RPS6KA1: variants seen among roughly 807,000 people sequenced by gnomAD.
RPS6KA1 encodes the protein ribosomal protein S6 kinase A1, also known as ribosomal protein S6 kinase alpha-1.
RPS6KA1 carries 48 observed loss-of-function variants against 91.3 expected under a neutral mutation model. The ratio of observed to expected loss-of-function variants is 0.53; its 90% CI spans 0.42 to 0.67. RPS6KA1 has a LOEUF of 0.67. Among genes scored for constraint, RPS6KA1 ranks in the 30% least tolerant of loss-of-function variants. RPS6KA1 has a pLI of 0.00. For missense variants in RPS6KA1, 719 were observed against 960.5 expected, an observed-to-expected ratio of 0.75 and a Z score of 3.32; for synonymous variants, 359 against 384.7, an observed-to-expected ratio of 0.93 and a Z score of 0.78.
At chr1:26,533,885 G>T (rs551313814) in intron 1 of RPS6KA1, among the ~76,000 whole-genome samples, 7 of 152,230 alleles carry the variant, frequency 4.6e-5, no homozygotes, top group African/African-American at 1.7e-4. Context: ...CCCAGGCTCT[G>T]AGTGGGAAGC....
rs767179473 is a variant in RPS6KA1, at chr1:26,529,952, C to T, written c.32C>T (p.Pro11Leu). The T allele has an allele frequency of 2.8e-6, 4 of 1,433,684 alleles. No individual in the cohort carries two copies. The highest frequency in any genetic ancestry group is 3.2e-5 in the East Asian group (1 of 31,076). The allele number at this position is 1,433,684 out of a possible 1,614,324, so 88.8% of individuals were successfully genotyped here. The change falls in exon 1 of 22, where the codon CCG becomes CTG. Residue 11 changes from proline (P) to leucine (L), a missense_variant. Around this residue, in one of 5 missense-constraint regions of RPS6KA1, gnomAD observed 57 missense variants for 55.8 expected, o/e 1.02. Transcript: ENST00000374168. The surrounding 1 kb of genome is among the most constrained non-coding windows in gnomAD (Gnocchi z 4.2). ...CTCGCCCAGCTCAAGGAGCCCTGGC[C>T]GCTCATGGAGCTAGTGCCTCTGGAC... MPLAQLKEPW[P>L]LMELVPLDPE... is the part of the protein sequence containing the mutation.
chr1:26,534,925 G>A (rs2075895686), intron 1 of RPS6KA1, among the ~76,000 whole-genome samples: 1 of 152,172 alleles, frequency 6.6e-6, no homozygotes, highest in African/African-American at 2.4e-5. Flanking sequence ...TTGGGGCCTG[G>A]TACATAGAAG....
At chr1:26,530,004 A>G in intron 1 of RPS6KA1, 21 bp downstream of exon 1, 1 of 1,328,640 alleles carries the variant, frequency 7.5e-7, no homozygotes, top group South Asian at 1.8e-5. Context: ...GGGGCGGGGG[A>G]CGGGCGCCCG....
intron 2 of RPS6KA1, among the ~76,000 whole-genome samples, chr1:26,539,431 G>A (rs1002488): frequency 0.28 from 42,930 of 152,112 alleles, 6,910 homozygotes; most frequent in East Asian, 0.77. Flanking sequence ...AGGGAAGAGA[G>A]TCAGGGATTC....
rs868008122 is a variant in RPS6KA1 at position 26,529,793 on chromosome 1, G to C, written c.-128G>C. ...TAGTGCCGCGGCGGCGGCGGCGGACGGCCCAGCCGGAGCGCGAGGGGCTCG... is the reference window on the plus strand; with the variant it reads ...TAGTGCCGCGGCGGCGGCGGCGGACCGCCCAGCCGGAGCGCGAGGGGCTCG... On this transcript the variant is annotated 5_prime_UTR_variant, in exon 1 of 22. Transcript: ENST00000374168. The surrounding 1 kb of genome is among the most constrained non-coding windows in gnomAD (Gnocchi z 4.2). 3 of 586,238 alleles carry C rather than the reference G, an allele frequency of 5.1e-6. No individual in the cohort carries two copies. The highest frequency in any genetic ancestry group is 7.1e-6 in the Non-Finnish European group (3 of 425,262). 36.3% of individuals were successfully genotyped at this position (586,238 alleles called of 1,614,324 possible). A position where few individuals can be genotyped will look rare whatever the true frequency, so the allele number is the denominator to read the frequency against.
In RPS6KA1 at chr1:26,571,606, CTGAGG is replaced by C; in HGVS notation, c.1752+1_1752+5del. The C allele has an allele frequency of 6.2e-7, 1 of 1,614,052 alleles. No individual in the cohort carries two copies. The highest frequency in any genetic ancestry group is 8.5e-7 in the Non-Finnish European group (1 of 1,179,982). ...TGCTACACAGCCAACTTTGTGGCGC[CTGAGG>C]TGAGTGGCCCAGCCTCCTCAGCTGT... On this transcript the variant is annotated splice_donor_variant and coding_sequence_variant, in exon 18 of 22. Transcript: ENST00000374168. LOFTEE classifies it high-confidence loss of function. This position sits in a 1 kb window ranked among gnomAD's most constrained non-coding sequence, Gnocchi z 5.1.
intron 2 of RPS6KA1, chr1:26,543,051 G>A (rs2075960862): frequency 1.7e-6 from 2 of 1,167,708 alleles, no homozygotes; most frequent in Non-Finnish European, 2.4e-6. Context: ...CTGCAGAGGG[G>A]GAAGTGAGAA....
In RPS6KA1 at chr1:26,561,888, C is replaced by G. The variant is rs1341092936; in HGVS notation, c.1590+225C>G. On this transcript the variant is annotated intron_variant, in intron 17 of 21. Transcript: ENST00000374168. This position sits in a 1 kb window ranked among gnomAD's most constrained non-coding sequence, Gnocchi z 5.7. The stretch of plus-strand genomic sequence containing the variant: ...TCAGTATCTACTGTGTGCCAGGCAC[C>G]ATGGTAAGGTTTAGCATAAGATGAA... 6.6e-6 allele frequency among the ~76,000 whole-genome samples: 1 copy of G among 152,030 alleles called. No homozygotes were observed. The highest frequency in any genetic ancestry group is 1.5e-5 in the Non-Finnish European group (1 of 68,004).
At chr1:26,537,757 C>T (rs1286242836) in intron 2 of RPS6KA1, among the ~76,000 whole-genome samples, 3 of 152,206 alleles carry the variant, frequency 2.0e-5, no homozygotes, top group Non-Finnish European at 2.9e-5. Context: ...AGAGCAAATC[C>T]GGGTTCCAGT....
At chr1:26,530,160 G>C (rs753350930) in intron 1 of RPS6KA1, among the ~76,000 whole-genome samples, 177 bp downstream of exon 1, 1 of 152,178 alleles carries the variant, frequency 6.6e-6, no homozygotes, top group African/African-American at 2.4e-5. Context: ...GCGTGTGCGA[G>C]GGACAGTTCC....
At chr1:26,570,934 C>T (rs2076243603) in intron 17 of RPS6KA1, among the ~76,000 whole-genome samples, 1 of 152,168 alleles carries the variant, frequency 6.6e-6, no homozygotes, top group Non-Finnish European at 1.5e-5. Flanking sequence ...ACCAGCCTGA[C>T]CAACATGGTG....
chr1:26,529,830 C>A lies in RPS6KA1; in HGVS notation c.-91C>A. On this transcript the variant is annotated 5_prime_UTR_variant, in exon 1 of 22. Coordinates refer to ENST00000374168, the MANE Select transcript of RPS6KA1 (RefSeq NM_002953.4). The surrounding 1 kb of genome is among the most constrained non-coding windows in gnomAD (Gnocchi z 4.2). ...GCGCGAGGGGCTCGGGGGGGCGCGG[C>A]GGTTCGGGTCGCAGAGCCAGGGACC... is the stretch of plus-strand genomic sequence containing the variant. 1 of 980,098 alleles carries A rather than the reference C, an allele frequency of 1.0e-6. No individual in the cohort carries two copies. The highest frequency in any genetic ancestry group is 1.3e-6 in the Non-Finnish European group (1 of 762,938). 60.7% of individuals were successfully genotyped at this position (980,098 alleles called of 1,614,324 possible).
Position 26,571,797 on chromosome 1 carries a change from G to T in RPS6KA1, c.1753-52G>T. On this transcript the variant is annotated intron_variant, in intron 18 of 21. Transcript: ENST00000374168. This position sits in a 1 kb window ranked among gnomAD's most constrained non-coding sequence, Gnocchi z 5.1. ...AGGGGAGTAGCAGGAAACATCTGTG[G>T]CGACTTTCTACTGCCCCCCCAGACT... 1 of 1,565,166 alleles carries T rather than the reference G, an allele frequency of 6.4e-7. No homozygotes were observed. The highest frequency in any genetic ancestry group is 8.7e-7 in the Non-Finnish European group (1 of 1,151,392).
At chr1:26,552,467 CT>C (rs1200548875) in intron 6 of RPS6KA1, among the ~76,000 whole-genome samples, 218 of 122,120 alleles carry the variant, frequency 1.8e-3, no homozygotes, top group Non-Finnish European at 2.2e-3. Context: ...GAGAATCTAG[CT>C]TTTTTTTTTT....
chr1:26,529,932 C>G lies in RPS6KA1; in HGVS notation c.12C>G (p.Ala4=). The change falls in exon 1 of 22, where the codon GCC becomes GCG. Residue 4 remains alanine, a synonymous_variant. Coordinates refer to ENST00000374168, the MANE Select transcript of RPS6KA1 (RefSeq NM_002953.4). The surrounding 1 kb of genome is among the most constrained non-coding windows in gnomAD (Gnocchi z 4.2). ...CTGGCGGCGGCGAGATGCCGCTCGC[C>G]CAGCTCAAGGAGCCCTGGCCGCTCA... The part of the protein sequence containing the change: MPL[A]QLKEPWPLME... The G allele has an allele frequency of 7.0e-7, 1 of 1,433,010 alleles. No individual in the cohort carries two copies. Among genetic ancestry groups the G allele is most frequent in the Non-Finnish European group, 9.1e-7 (1 of 1,093,998 alleles). The allele number at this position is 1,433,010 out of a possible 1,614,324, so 88.8% of individuals were successfully genotyped here. A position where few individuals can be genotyped will look rare whatever the true frequency, so the allele number is the denominator to read the frequency against.
rs779620686 is a variant in RPS6KA1 at position 26,536,997 on chromosome 1, G to C, written c.108+28G>C. ...GAGGACCATGGCCAGCACCCTGAGC[G>C]AGGGGCTGTGGGGGATCCTGTTTGC... On this transcript the variant is annotated intron_variant, in intron 2 of 21. Coordinates refer to ENST00000374168, the MANE Select transcript of RPS6KA1 (RefSeq NM_002953.4). The C allele has an allele frequency of 3.7e-6, 6 of 1,613,246 alleles. No individual in the cohort carries two copies. The Admixed American group carries it at 5.0e-5, about 13-fold the overall frequency.
chr1:26,536,700 C>T (rs1439157347), intron 1 of RPS6KA1, among the ~76,000 whole-genome samples: 1 of 152,202 alleles, frequency 6.6e-6, no homozygotes, highest in East Asian at 1.9e-4. Context: ...AATGCTGGTC[C>T]CTGGGAATAT....
chr1:26,569,077 G>C (rs1431022393), intron 17 of RPS6KA1, among the ~76,000 whole-genome samples: 1 of 151,958 alleles, frequency 6.6e-6, no homozygotes, highest in African/African-American at 2.4e-5. Context: ...TGTAATTCCA[G>C]CTAACTGGGA....
chr1:26,559,502 G>A (rs1011280808), intron 14 of RPS6KA1, among the ~76,000 whole-genome samples: 2 of 151,786 alleles, frequency 1.3e-5, no homozygotes, highest in East Asian at 1.9e-4. Flanking sequence ...GAATAGCTGG[G>A]ACTACAGATA....
Sources: allele counts gnomAD v4.1 joint callset (sites outside exome capture counted in the v4.1 genomes callset), GRCh38; gene constraint gnomAD v4.1.1; regional missense constraint gnomAD v4.1.1; non-coding constraint Gnocchi (gnomAD v3.1); transcripts MANE v1.5; gene names NCBI Gene and HGNC (gene_info 2026-07-23, HGNC 2026-07-21).